PARD3B: variants seen among roughly 807,000 people sequenced by gnomAD.
PARD3B encodes the protein par-3 family cell polarity regulator beta, also known as partitioning defective 3 homolog B.
Under a neutral mutation model 130.2 loss-of-function variants are expected in PARD3B, and 103 were observed. That is an observed-to-expected ratio of 0.79 (90% CI 0.67 to 0.93). The LOEUF (loss-of-function observed/expected upper bound fraction) is 0.93, where lower values mean the gene tolerates loss of function less well. Ranked by LOEUF, PARD3B falls within the 40% of genes least tolerant of loss-of-function variation. PARD3B has a pLI of 0.00. For synonymous variants in PARD3B, 583 were observed against 553.2 expected, an observed-to-expected ratio of 1.05 and a Z score of -0.76; for missense variants, 1,609 against 1,499.2, an observed-to-expected ratio of 1.07 and a Z score of -1.21.
intron 21 of PARD3B, among the ~76,000 whole-genome samples, chr2:205,502,078 G>T (rs1175316553): frequency 1.3e-5 from 2 of 152,104 alleles, no homozygotes; most frequent in Admixed American, 6.5e-5. Flanking sequence ...CCAAGCCAGG[G>T]ATTAGAATCT....
intron 2 of PARD3B, among the ~76,000 whole-genome samples, chr2:204,709,475 TTTA>T: frequency 6.6e-6 from 1 of 152,312 alleles, no homozygotes; most frequent in Admixed American, 6.5e-5. Flanking sequence ...ATATGTGTCT[TTTA>T]TTATTCTACT....
chr2:205,226,311 A>G (rs1179016138), intron 15 of PARD3B, among the ~76,000 whole-genome samples: 1 of 152,184 alleles, frequency 6.6e-6, no homozygotes, highest in Non-Finnish European at 1.5e-5. Context: ...AAGTTCTGGG[A>G]TCACAGGCAT....
chr2:205,531,373 G>A (rs2051585247), intron 21 of PARD3B, among the ~76,000 whole-genome samples: 1 of 152,180 alleles, frequency 6.6e-6, no homozygotes. Context: ...AAGATCAGAG[G>A]CTCTTGGAGC....
chr2:205,049,309 G>A (rs1430944605), intron 4 of PARD3B, among the ~76,000 whole-genome samples: 2 of 152,142 alleles, frequency 1.3e-5, no homozygotes, highest in Non-Finnish European at 2.9e-5. Context: ...AAGCAAACAT[G>A]TCCTTCTTCA....
chr2:204,896,267 T>C lies in PARD3B; in HGVS notation c.223-68885T>C, dbSNP rs963411448. ...TAGATGTCAGCAAAGTAAGGGGCTT[T>C]TTGCATTGAATCAATAATGAAAGTA... On this transcript the variant is annotated intron_variant, in intron 2 of 22. Coordinates refer to ENST00000406610, the MANE Select transcript of PARD3B (RefSeq NM_001302769.2). 7.9e-5 allele frequency among the ~76,000 whole-genome samples: 12 copies of C among 152,310 alleles called. No individual in the cohort carries two copies. In the East Asian group the frequency reaches 9.6e-4, roughly 12 times the overall value.
chr2:204,852,519 T>G (rs2044749953), intron 2 of PARD3B, among the ~76,000 whole-genome samples: 1 of 152,086 alleles, frequency 6.6e-6, no homozygotes, highest in Non-Finnish European at 1.5e-5. Flanking sequence ...AAACATGAAG[T>G]AAAAAAATTT....
intron 10 of PARD3B, among the ~76,000 whole-genome samples, chr2:205,127,800 AC>A (rs2031607465): frequency 6.6e-6 from 1 of 152,144 alleles, no homozygotes; most frequent in South Asian, 2.1e-4. Flanking sequence ...ACTCCTCCAT[AC>A]CCAACCATTT....
chr2:205,488,343 G>A (rs746204665), intron 20 of PARD3B, among the ~76,000 whole-genome samples: 5 of 152,168 alleles, frequency 3.3e-5, no homozygotes, highest in Admixed American at 6.5e-5. Context: ...CCTTGCATGC[G>A]TGGTTCACCA....
chr2:204,821,862 A>G (rs901094093), intron 2 of PARD3B, among the ~76,000 whole-genome samples: 2 of 152,140 alleles, frequency 1.3e-5, no homozygotes, highest in Admixed American at 1.3e-4. Flanking sequence ...CTGTAAGTCC[A>G]TTAAACCTCT....
rs56170026 is a variant in PARD3B, at chr2:205,331,265, CCA to C, written c.2630+29588_2630+29589del. ...ATATAAGCACACATGCACATATATT[CCA>C]CACACACACACACACACACACACGT... On this transcript the variant is annotated intron_variant, in intron 18 of 22. Coordinates refer to ENST00000406610, the MANE Select transcript of PARD3B (RefSeq NM_001302769.2). Among the ~76,000 whole-genome samples the C allele has an allele frequency of 1.4e-4, 21 of 148,722 alleles. No homozygotes were observed. The East Asian group carries it at 1.4e-3, about 10-fold the overall frequency.
chr2:204,751,566 A>G (rs528303740), intron 2 of PARD3B, among the ~76,000 whole-genome samples: 75 of 152,328 alleles, frequency 4.9e-4, no homozygotes, highest in African/African-American at 1.8e-3. Flanking sequence ...CCTACTGAAA[A>G]TAAGTTTTAT....
At chr2:205,178,389 C>T (rs1304392399) in intron 13 of PARD3B, among the ~76,000 whole-genome samples, 1 of 151,940 alleles carries the variant, frequency 6.6e-6, no homozygotes, top group Non-Finnish European at 1.5e-5. Flanking sequence ...GGAGGCGGAG[C>T]TTGCAGTGAG....
intron 10 of PARD3B, among the ~76,000 whole-genome samples, chr2:205,153,741 A>G (rs1486536424): frequency 6.6e-6 from 1 of 152,152 alleles, no homozygotes; most frequent in Non-Finnish European, 1.5e-5. Context: ...AAATAATACC[A>G]TACATCCGTA....
At chr2:204,759,370 C>G (rs1408558093) in intron 2 of PARD3B, among the ~76,000 whole-genome samples, 4 of 152,036 alleles carry the variant, frequency 2.6e-5, no homozygotes, top group Admixed American at 1.3e-4. Flanking sequence ...CAGTTTCATT[C>G]CATGGAGGAA....
intron 1 of PARD3B, among the ~76,000 whole-genome samples, chr2:204,550,233 TTATAA>T (rs3051345): frequency 3.2e-4 from 49 of 152,346 alleles, no homozygotes; most frequent in African/African-American, 1.2e-3. Context: ...TCTAGATTAT[TTATAA>T]TACCTAATAC....
At chr2:205,149,495 T>C (rs1189943629) in intron 10 of PARD3B, among the ~76,000 whole-genome samples, 1 of 152,192 alleles carries the variant, frequency 6.6e-6, no homozygotes, top group Non-Finnish European at 1.5e-5. Context: ...CTCTGGAAAA[T>C]TAGCTGCCAT....
chr2:205,068,084 G>A (rs1376870462), intron 4 of PARD3B, among the ~76,000 whole-genome samples: 1 of 152,120 alleles, frequency 6.6e-6, no homozygotes, highest in East Asian at 1.9e-4. Flanking sequence ...ATTATCTGAA[G>A]CAATTTGTGT....
At chr2:204,611,771 A>G (rs897532841) in intron 1 of PARD3B, among the ~76,000 whole-genome samples, 5 of 152,208 alleles carry the variant, frequency 3.3e-5, no homozygotes, top group African/African-American at 1.2e-4. Context: ...ACTTTTAAAA[A>G]TCCATTTGCG....
At chr2:205,062,195 A>AT (rs903337135) in intron 4 of PARD3B, among the ~76,000 whole-genome samples, 14 of 152,040 alleles carry the variant, frequency 9.2e-5, no homozygotes, top group African/African-American at 3.4e-4. Context: ...GAAGTGTAGT[A>AT]TTTTTTTATG....
Sources: gnomAD v4.1 joint callset for allele counts (sites outside exome capture counted in the v4.1 genomes callset) on GRCh38, gnomAD v4.1.1 for gene constraint, MANE v1.5 for transcripts, NCBI Gene and HGNC (gene_info 2026-07-23, HGNC 2026-07-21) for gene names.